FAM168A: variants seen among roughly 807,000 people sequenced by gnomAD.
The protein encoded by FAM168A is protein FAM168A.
In FAM168A, 3 loss-of-function variants were observed where a neutral mutation model predicts 28.5. The observed-to-expected ratio is 0.11, with a 90% CI of 0.05 to 0.27. FAM168A has a LOEUF of 0.27. FAM168A is among the 10% of genes least tolerant of loss of function. The probability of loss-of-function intolerance (pLI) is 1.00; values close to 1 mark genes in which losing one functional copy is unlikely to be tolerated. For synonymous variants in FAM168A, 122 were observed against 124.2 expected, an observed-to-expected ratio of 0.98 and a Z score of 0.12; for missense variants, 222 against 311.5, an observed-to-expected ratio of 0.71 and a Z score of 2.16.
At chr11:73,546,929 C>G (rs1014657826) in intron 1 of FAM168A, among the ~76,000 whole-genome samples, 1 of 150,964 alleles carries the variant, frequency 6.6e-6, no homozygotes, top group Non-Finnish European at 1.5e-5. Flanking sequence ...AAAATAACAA[C>G]AACAACAAAA....
At chr11:73,569,603 C>A (rs932634248) in intron 1 of FAM168A, among the ~76,000 whole-genome samples, 6 of 152,110 alleles carry the variant, frequency 3.9e-5, no homozygotes, top group Non-Finnish European at 8.8e-5. Context: ...GCGGGCAGAT[C>A]ACGAGGTCAG....
intron 1 of FAM168A, among the ~76,000 whole-genome samples, chr11:73,498,004 G>C (rs1854927222): frequency 6.6e-6 from 1 of 151,980 alleles, no homozygotes; most frequent in Non-Finnish European, 1.5e-5. Context: ...CTACATGCCA[G>C]GCACTACTCT....
In FAM168A at chr11:73,468,393, C is replaced by G; in HGVS notation, c.70+12G>C. On this transcript the variant is annotated intron_variant, in intron 2 of 7. Transcript: ENST00000356467. ...CATTTCTCAAAATGAGAGCCATTCTCACACTACTCACCCGTGTAGGCCATG... is the reference window on the plus strand; with the variant it reads ...CATTTCTCAAAATGAGAGCCATTCTGACACTACTCACCCGTGTAGGCCATG... 1 of 1,613,078 alleles carries G rather than the reference C, an allele frequency of 6.2e-7. No homozygotes were observed. Among genetic ancestry groups the G allele is most frequent in the Middle Eastern group, 1.7e-4 (1 of 6,046 alleles).
In FAM168A at chr11:73,430,721, CAGGCTGGGATTGT is replaced by C. The variant is rs1406543206; in HGVS notation, c.107_119del (p.Tyr36CysfsTer15). 1 of 1,613,628 alleles carries C rather than the reference CAGGCTGGGATTGT, an allele frequency of 6.2e-7. No homozygotes were observed. Among genetic ancestry groups the C allele is most frequent in the African/African-American group, 1.3e-5 (1 of 74,866 alleles). On this transcript the variant is annotated frameshift_variant, in exon 3 of 8. Coordinates refer to ENST00000356467, the MANE Select transcript of FAM168A (RefSeq NM_015159.3). LOFTEE classifies it high-confidence loss of function. The stretch of plus-strand genomic sequence containing the variant: ...CATAACTGGGACTATTGGTGGGGTA[CAGGCTGGGATTGT>C]AGGCAGGGGCAGCTGCTGGATAGGC...
intron 2 of FAM168A, among the ~76,000 whole-genome samples, chr11:73,442,122 CTTCT>C (rs1312975024): frequency 1.1e-4 from 16 of 143,906 alleles, no homozygotes; most frequent in African/African-American, 3.8e-4. Context: ...GGTCTTTCTT[CTTCT>C]TTTTTTTTTT....
intron 1 of FAM168A, among the ~76,000 whole-genome samples, chr11:73,505,725 A>C (rs1192133365): frequency 1.3e-5 from 2 of 152,174 alleles, no homozygotes; most frequent in Admixed American, 6.5e-5. Context: ...AGAAGAACGT[A>C]ACCCCTTTGT....
intron 1 of FAM168A, among the ~76,000 whole-genome samples, chr11:73,567,009 G>A (rs539042169): frequency 7.9e-5 from 12 of 152,250 alleles, no homozygotes; most frequent in South Asian, 6.2e-4. Context: ...GTTTAACAGC[G>A]TATAGTTAAG....
chr11:73,407,435 T>C (rs1866526476), intron 7 of FAM168A, 78 bp downstream of exon 7: 1 of 1,020,516 alleles, frequency 9.8e-7, no homozygotes, highest in Non-Finnish European at 1.4e-6. Context: ...ACACCTGTGC[T>C]CCAGACCCAA....
At chr11:73,460,433 G>GT (rs1402824067) in intron 2 of FAM168A, among the ~76,000 whole-genome samples, 1 of 149,566 alleles carries the variant, frequency 6.7e-6, no homozygotes, top group African/African-American at 2.5e-5. Context: ...AGCCAACTCT[G>GT]TACCAGTCAC....
chr11:73,525,037 C>G (rs1487355797), intron 1 of FAM168A, among the ~76,000 whole-genome samples: 1 of 136,616 alleles, frequency 7.3e-6, no homozygotes. Context: ...TTTTTTTTTG[C>G]TCCTACATTG....
intron 1 of FAM168A, among the ~76,000 whole-genome samples, chr11:73,526,868 CAAAAAAAAAAA>C (rs61073226): frequency 1.9e-5 from 1 of 51,924 alleles, no homozygotes; most frequent in South Asian, 1.2e-3. Context: ...GACTCCATCT[CAAAAAAAAAAA>C]AAAAAAAAAA....
At chr11:73,471,690 G>GC (rs1867815970) in intron 1 of FAM168A, among the ~76,000 whole-genome samples, 1 of 152,136 alleles carries the variant, frequency 6.6e-6, no homozygotes, top group Non-Finnish European at 1.5e-5. Context: ...TGAGGACCAT[G>GC]CCTTAGCCTT....
intron 2 of FAM168A, among the ~76,000 whole-genome samples, chr11:73,447,626 C>T (rs1332270840): frequency 6.6e-6 from 1 of 151,738 alleles, no homozygotes; most frequent in Non-Finnish European, 1.5e-5. Context: ...TGATGGCCCC[C>T]TACGTTGTGG....
chr11:73,509,403 G>A (rs547504438), intron 1 of FAM168A, among the ~76,000 whole-genome samples: 1 of 152,192 alleles, frequency 6.6e-6, no homozygotes, highest in South Asian at 2.1e-4. Flanking sequence ...ATCCTGCTAA[G>A]TAAATAATTC....
At chr11:73,480,342 C>A (rs563353930) in intron 1 of FAM168A, among the ~76,000 whole-genome samples, 32 of 152,040 alleles carry the variant, frequency 2.1e-4, no homozygotes, top group Middle Eastern at 3.4e-3. Context: ...AAAACCACAA[C>A]AAAATTATCT....
chr11:73,556,545 T>C (rs564875017), intron 1 of FAM168A, among the ~76,000 whole-genome samples: 1 of 151,704 alleles, frequency 6.6e-6, no homozygotes, highest in African/African-American at 2.4e-5. Flanking sequence ...GTAGGGAGAA[T>C]GGGGCAATAG....
At chr11:73,490,331 C>T (rs1266969790) in intron 1 of FAM168A, among the ~76,000 whole-genome samples, 1 of 152,154 alleles carries the variant, frequency 6.6e-6, no homozygotes, top group Admixed American at 6.5e-5. Context: ...TTTGTCTATT[C>T]TCAACACAGC....
intron 1 of FAM168A, among the ~76,000 whole-genome samples, chr11:73,585,068 GT>G (rs1944295991): frequency 6.6e-6 from 1 of 151,890 alleles, no homozygotes; most frequent in Admixed American, 6.6e-5. Flanking sequence ...TTTGATCTCT[GT>G]TGCAAGAAGA....
intron 1 of FAM168A, among the ~76,000 whole-genome samples, chr11:73,572,273 G>A (rs370859292): frequency 0.018 from 2,710 of 150,796 alleles, 66 homozygotes; most frequent in African/African-American, 0.056. Flanking sequence ...GCCCCCGCCC[G>A]GCCAGCCGCC....
Sources: allele counts gnomAD v4.1 joint callset (sites outside exome capture counted in the v4.1 genomes callset), GRCh38; gene constraint gnomAD v4.1.1; transcripts MANE v1.5; gene names NCBI Gene and HGNC (gene_info 2026-07-23, HGNC 2026-07-21).